GPR174: variants seen among roughly 807,000 people sequenced by gnomAD.
GPR174 encodes G protein-coupled receptor 174.
Under a neutral mutation model 16.5 loss-of-function variants are expected in GPR174, and 8 were observed. The ratio of observed to expected loss-of-function variants is 0.48; its 90% confidence interval spans 0.28 to 0.87. GPR174 has a LOEUF of 0.87. GPR174 is among the 40% of genes least tolerant of loss of function. GPR174 has a pLI of 0.09. For synonymous variants in GPR174, 111 were observed against 94.8 expected, an observed-to-expected ratio of 1.17 and a Z score of -0.99; for missense variants, 214 against 247.5, an observed-to-expected ratio of 0.86 and a Z score of 0.91.
At position 79,145,006 on chromosome X, in the gene GPR174, CTTTCTT is replaced by C. The variant is rs1203022444; in HGVS notation, c.-863_-858del. 15 of 6,736 alleles carry C rather than the reference CTTTCTT, an allele frequency of 2.2e-3. No individual in the cohort carries two copies. In the South Asian group the frequency reaches 0.042, roughly 19 times the overall value. 0.6% of individuals were successfully genotyped at this position (6,736 alleles called of 1,213,427 possible). A position where few individuals can be genotyped will look rare whatever the true frequency, so the allele number is the denominator to read the frequency against. On this transcript the variant is annotated 5_prime_UTR_variant, in exon 1 of 3. Coordinates refer to ENST00000645147, the MANE Select transcript of GPR174 (RefSeq NM_032553.3). ...TCTTTCTTTCTTTCTCTCTCTCTCT[CTTTCTT>C]TCTTTCTTTCTTTCTTTCTTTCTTT...
intron 1 of GPR174, among the ~76,000 whole-genome samples, chrX:79,155,898 C>T (rs1411858485): frequency 2.7e-5 from 3 of 111,828 alleles, no homozygotes; most frequent in African/African-American, 9.7e-5. Flanking sequence ...CTTCCCTTTG[C>T]AGAATCCTTT....
At chrX:79,145,490 C>T (rs1926481849) in intron 1 of GPR174, among the ~76,000 whole-genome samples, 1 of 111,633 alleles carries the variant, frequency 9.0e-6, no homozygotes, top group Non-Finnish European at 1.9e-5. Context: ...GTGTTTAGCT[C>T]ATTTGATATT....
intron 2 of GPR174, 56 bp downstream of exon 2, chrX:79,156,974 T>C (rs887420834): frequency 8.9e-6 from 1 of 111,934 alleles, no homozygotes; most frequent in African/African-American, 3.3e-5. Context: ...AATAATACTG[T>C]TTTACCCTGT....
chrX:79,149,274 C>G (rs1386983168), intron 1 of GPR174, among the ~76,000 whole-genome samples: 1 of 111,806 alleles, frequency 8.9e-6, no homozygotes, highest in African/African-American at 3.2e-5. Flanking sequence ...ATTCTTTGGT[C>G]CAGTTTTTAT....
Position 79,175,314 on chromosome X carries a change from A to C in GPR174, c.*3305A>C. 1 of 112,395 alleles carries C rather than the reference A, an allele frequency of 8.9e-6. No homozygotes were observed. The highest frequency in any genetic ancestry group is 2.8e-4 in the East Asian group (1 of 3,619). 9.3% of individuals were successfully genotyped at this position (112,395 alleles called of 1,213,427 possible). A position where few individuals can be genotyped will look rare whatever the true frequency, so the allele number is the denominator to read the frequency against. On this transcript the variant is annotated 3_prime_UTR_variant, in exon 3 of 3. Transcript: ENST00000645147. ...ATAAAGATTGTCTTTGTAATTACAT[A>C]GAAATTTTCTGCCTCCAGAAGTCAA...
At chrX:79,158,970 C>G (rs1256124543) in intron 2 of GPR174, among the ~76,000 whole-genome samples, 1 of 109,382 alleles carries the variant, frequency 9.1e-6, no homozygotes, top group African/African-American at 3.3e-5. Flanking sequence ...TTATTTCATA[C>G]TGCATGCCTG....
intron 2 of GPR174, among the ~76,000 whole-genome samples, chrX:79,161,269 T>A (rs1029381995): frequency 9.0e-6 from 1 of 111,671 alleles, no homozygotes; most frequent in African/African-American, 3.3e-5. Flanking sequence ...GACGTAGAGG[T>A]AAACATCATT....
In GPR174 at chrX:79,147,976, G is replaced by A. The variant is rs773681997; in HGVS notation, c.-654+2759G>A. 2.1e-4 allele frequency among the ~76,000 whole-genome samples: 24 copies of A among 112,181 alleles called. No individual in the cohort carries two copies. The South Asian group carries it at 8.5e-3, about 40-fold the overall frequency. On this transcript the variant is annotated intron_variant, in intron 1 of 2. Transcript: ENST00000645147. Reference sequence around the variant, plus strand: ...CTTTGCAGCAACAGCTGCATTAGCAGCAGCCAGAGATCAAGATGCAGACAG... The same window carrying A: ...CTTTGCAGCAACAGCTGCATTAGCAACAGCCAGAGATCAAGATGCAGACAG...
chrX:79,171,277 C>T lies in GPR174; in HGVS notation c.270C>T (p.Leu90=), dbSNP rs1294091639. ...ATGACTGGCCATTTGGGCCTGGTCT[C>T]TGCATGTTCTGTTTCTACCTGAAGT... ...LNHDWPFGPG[L]CMFCFYLKYV... The change falls in exon 3 of 3, where the codon CTC becomes CTT. Residue 90 remains leucine (L), a synonymous_variant. Coordinates refer to ENST00000645147, the MANE Select transcript of GPR174 (RefSeq NM_032553.3). 13 of 1,211,571 alleles carry T rather than the reference C, an allele frequency of 1.1e-5. No homozygotes were observed. In the Admixed American group the frequency reaches 2.8e-4, roughly 26 times the overall value.
intron 1 of GPR174, among the ~76,000 whole-genome samples, chrX:79,148,179 C>T (rs1417625119): frequency 1.8e-5 from 2 of 111,335 alleles, no homozygotes; most frequent in Non-Finnish European, 3.8e-5. Flanking sequence ...CTTGTGCCCA[C>T]CGTGGGAGCC....
chrX:79,156,064 TG>T (rs1921088993), intron 1 of GPR174, among the ~76,000 whole-genome samples: 1 of 112,328 alleles, frequency 8.9e-6, no homozygotes, highest in South Asian at 3.7e-4. Context: ...CTTAGCTGAT[TG>T]ATTACAGTTA....
Position 79,171,647 on chromosome X carries a change from G to A in GPR174, c.640G>A (p.Asp214Asn), listed in dbSNP as rs764297256. The A allele has an allele frequency of 9.1e-6, 11 of 1,211,373 alleles. No homozygotes were observed. In the East Asian group the frequency reaches 3.3e-4, roughly 36 times the overall value. Residue 214 changes from aspartate to asparagine, a missense_variant, in exon 3 of 3, where the codon GAT (aspartate) becomes AAT (asparagine). Coordinates refer to ENST00000645147, the MANE Select transcript of GPR174 (RefSeq NM_032553.3). ...CTGGAAGACGGTTTTATCACTGCAA[G>A]ATAAATATCCCATGGCCCAAGATCT... ...CTWKTVLSLQ[D>N]KYPMAQDLGE... is the part of the protein sequence containing the mutation.
intron 1 of GPR174, among the ~76,000 whole-genome samples, chrX:79,152,799 G>T (rs1038244429): frequency 3.6e-5 from 4 of 111,735 alleles, no homozygotes; most frequent in Admixed American, 9.5e-5. Flanking sequence ...TATAATTGAG[G>T]ACACTTCTCT....
chrX:79,157,333 CT>C (rs1280798992), intron 2 of GPR174, among the ~76,000 whole-genome samples: 3 of 111,520 alleles, frequency 2.7e-5, no homozygotes, highest in Non-Finnish European at 3.8e-5. Flanking sequence ...TTTTCAACCC[CT>C]TAAATTTTGT....
chrX:79,154,236 A>T (rs925725220), intron 1 of GPR174, among the ~76,000 whole-genome samples: 1 of 111,151 alleles, frequency 9.0e-6, no homozygotes, highest in African/African-American at 3.3e-5. Flanking sequence ...TGCTACTGTG[A>T]TCCTTTACGT....
chrX:79,155,625 A>G (rs961807698), intron 1 of GPR174, among the ~76,000 whole-genome samples: 1 of 111,068 alleles, frequency 9.0e-6, no homozygotes, highest in African/African-American at 3.3e-5. Context: ...AATCTTAACA[A>G]TGTTCCCCAG....
chrX:79,152,542 T>C (rs1926622606), intron 1 of GPR174, among the ~76,000 whole-genome samples: 1 of 111,547 alleles, frequency 9.0e-6, no homozygotes, highest in Admixed American at 9.5e-5. Context: ...CTCCTGATAA[T>C]CCTAATTATT....
chrX:79,161,379 C>T (rs1210951738), intron 2 of GPR174, among the ~76,000 whole-genome samples: 2 of 111,925 alleles, frequency 1.8e-5, no homozygotes, highest in Non-Finnish European at 3.8e-5. Flanking sequence ...TTAGTTTTCA[C>T]TCTAATGAAA....
rs781268575 is a variant in GPR174, at chrX:79,154,831, C to A, written c.-653-1991C>A. Among the ~76,000 whole-genome samples, 4 of 111,048 alleles carry A rather than the reference C, an allele frequency of 3.6e-5. No homozygotes were observed. The South Asian group carries it at 1.5e-3, about 42-fold the overall frequency. The stretch of plus-strand genomic sequence containing the variant: ...AGGTGTCATATGTCTCTGATTAGTG[C>A]TATTTTCCATACACCCTGTTTCTCT... On this transcript the variant is annotated intron_variant, in intron 1 of 2. Coordinates refer to ENST00000645147, the MANE Select transcript of GPR174 (RefSeq NM_032553.3).
Sources: gnomAD v4.1 joint callset for allele counts (sites outside exome capture counted in the v4.1 genomes callset) on GRCh38, gnomAD v4.1.1 for gene constraint, MANE v1.5 for transcripts, NCBI Gene and HGNC (gene_info 2026-07-23, HGNC 2026-07-21) for gene names.